Variants in PAK4 observed in about 807,000 individuals in gnomAD.
The protein encoded by PAK4 is serine/threonine-protein kinase PAK 4.
PAK4 carries 49 observed loss-of-function variants against 53.5 expected under a neutral mutation model. The ratio of observed to expected loss-of-function variants is 0.92; its 90% confidence interval spans 0.73 to 1.16. The LOEUF is 1.16. PAK4 is among the 50% of genes most tolerant of loss of function. The pLI, the probability that PAK4 is intolerant of heterozygous loss-of-function variation, is 0.00. For synonymous variants in PAK4, 376 were observed against 375.6 expected (o/e 1.00, Z -0.01); for missense variants, 824 against 850.7 (o/e 0.97, Z 0.39).
At chr19:39,127,849 G>A (rs570732544) in intron 1 of PAK4, among the ~76,000 whole-genome samples, 2 of 152,332 alleles carry the variant, frequency 1.3e-5, no homozygotes, top group Non-Finnish European at 2.9e-5. Flanking sequence ...AGGAGGGCTG[G>A]GAATGGGCTT....
intron 1 of PAK4, among the ~76,000 whole-genome samples, chr19:39,163,932 G>T (rs2074325902): frequency 6.6e-6 from 1 of 152,214 alleles, no homozygotes; most frequent in Non-Finnish European, 1.5e-5. Flanking sequence ...ACAGAGGACA[G>T]TCCCTGCCCT....
chr19:39,135,625 G>A (rs1184850328), intron 1 of PAK4, among the ~76,000 whole-genome samples: 1 of 152,014 alleles, frequency 6.6e-6, no homozygotes, highest in Non-Finnish European at 1.5e-5. Flanking sequence ...GTGAGCCACT[G>A]CGCCCTGCCC....
At chr19:39,142,493 C>T (rs2073926363) in intron 1 of PAK4, among the ~76,000 whole-genome samples, 1 of 152,168 alleles carries the variant, frequency 6.6e-6, no homozygotes, top group Admixed American at 6.5e-5. Flanking sequence ...CCTAGTAAGG[C>T]TGGTACCCAG....
chr19:39,174,279 C>A (rs1377511069), intron 4 of PAK4, among the ~76,000 whole-genome samples: 1 of 151,940 alleles, frequency 6.6e-6, no homozygotes, highest in African/African-American at 2.4e-5. Context: ...TTCCAGGCCC[C>A]TCGCACCCAC....
Position 39,161,752 on chromosome 19 carries a change from C to T in PAK4, c.-22-7780C>T, listed in dbSNP as rs932983832. 2.6e-5 allele frequency among the ~76,000 whole-genome samples: 4 copies of T among 151,898 alleles called. No homozygotes were observed. Among genetic ancestry groups the T allele is most frequent in the African/African-American group, 9.7e-5 (4 of 41,320 alleles). On this transcript the variant is annotated intron_variant, in intron 1 of 8. Coordinates refer to ENST00000358301, the Ensembl canonical transcript of PAK4. This position sits in a 1 kb window ranked among gnomAD's most constrained non-coding sequence, Gnocchi z 4.5. The stretch of plus-strand genomic sequence containing the variant: ...TCCTTGGCCTGTCCTTCCACTTGCC[C>T]CCTCGCCCACCCTGCTCCAGCCACG...
In PAK4 at chr19:39,130,895, C is replaced by T. The variant is rs768275588; in HGVS notation, c.-23+4976C>T. 4.3e-4 allele frequency among the ~76,000 whole-genome samples: 65 copies of T among 150,472 alleles called. No homozygotes were observed. In the Middle Eastern group the frequency reaches 0.017, roughly 40 times the overall value. On this transcript the variant is annotated intron_variant, in intron 1 of 8. Transcript: ENST00000358301. ...GTGGGGGACGGATCGCGGGGGGTGGCGACAGGGAGGCTGTGGGGAGGCTGC... is the reference window on the plus strand; with the variant it reads ...GTGGGGGACGGATCGCGGGGGGTGGTGACAGGGAGGCTGTGGGGAGGCTGC...
chr19:39,169,356 C>T (rs1394325365), intron 1 of PAK4, among the ~76,000 whole-genome samples, 176 bp from the exon 3 acceptor site: 1 of 152,006 alleles, frequency 6.6e-6, no homozygotes, highest in African/African-American at 2.4e-5. Flanking sequence ...TCACGGGTAC[C>T]CTCTGGCTGT....
downstream of PAK4, chr19:39,179,998 A>C (rs2074684168): frequency 6.6e-6 from 1 of 152,382 alleles, no homozygotes; most frequent in Non-Finnish European, 1.5e-5. Flanking sequence ...CATCCTCCCC[A>C]GCCCCCAGGG....
chr19:39,141,563 A>G (rs953886706), intron 1 of PAK4, among the ~76,000 whole-genome samples: 1 of 151,628 alleles, frequency 6.6e-6, no homozygotes, highest in Non-Finnish European at 1.5e-5. Flanking sequence ...TGATATAACC[A>G]TCTCAGCCTC....
chr19:39,175,189 C>T lies in PAK4; in HGVS notation c.1233-123C>T, dbSNP rs779705445. The T allele has an allele frequency of 4.1e-5, 60 of 1,473,696 alleles. No homozygotes were observed. Among genetic ancestry groups the T allele is most frequent in the Admixed American group, 1.5e-4 (8 of 52,322 alleles). 91.3% of individuals were successfully genotyped at this position (1,473,696 alleles called of 1,614,324 possible). A position where few individuals can be genotyped will look rare whatever the true frequency, so the allele number is the denominator to read the frequency against. ...CTGGGATGGGGTCGTGTCTTCCATT[C>T]CTCCCACTCCAGAGTGGGGTCGAGT... On this transcript the variant is annotated intron_variant, in intron 5 of 8. Coordinates refer to ENST00000358301, the Ensembl canonical transcript of PAK4. This position sits in a 1 kb window ranked among gnomAD's most constrained non-coding sequence, Gnocchi z 4.7.
intron 1 of PAK4, among the ~76,000 whole-genome samples, chr19:39,166,967 C>T (rs138550499): frequency 3.1e-4 from 47 of 152,350 alleles, no homozygotes; most frequent in Non-Finnish European, 4.4e-4. Context: ...GGCAAATATC[C>T]GGAGGCGTGC....
chr19:39,138,086 A>G (rs534917097), intron 1 of PAK4, among the ~76,000 whole-genome samples: 8 of 152,008 alleles, frequency 5.3e-5, no homozygotes, highest in Non-Finnish European at 8.8e-5. Flanking sequence ...GGTTCAAGCA[A>G]TTCTCTTTCC....
At chr19:39,131,531 C>G (rs2073710914) in intron 1 of PAK4, among the ~76,000 whole-genome samples, 1 of 152,200 alleles carries the variant, frequency 6.6e-6, no homozygotes, top group Non-Finnish European at 1.5e-5. Context: ...ACCCTTCCCG[C>G]CTAGTCACCC....
intron 6 of PAK4, 130 bp from the exon 8 acceptor site, chr19:39,176,460 C>T (rs1413126385): frequency 3.9e-6 from 5 of 1,266,384 alleles, no homozygotes; most frequent in African/African-American, 2.9e-5. Flanking sequence ...CCAGCTCTGA[C>T]CCTAGACCCC....
Position 39,174,730 on chromosome 19 carries a change from G to A in PAK4, c.1099-201G>A, listed in dbSNP as rs192778976. 1.7e-3 allele frequency among the ~76,000 whole-genome samples: 257 copies of A among 152,286 alleles called. 8 individuals are homozygous for A. In the East Asian group the frequency reaches 0.042, roughly 25 times the overall value. On this transcript the variant is annotated intron_variant, in intron 4 of 8. Transcript: ENST00000358301. ...GAGATGGGCGTGTGCCCAGGGGGGC[G>A]CGCCCCCAGAAGGGAGGCGTGGGCT...
intron 2 of PAK4, among the ~76,000 whole-genome samples, chr19:39,169,993 G>A (rs573278333): frequency 1.3e-5 from 2 of 151,968 alleles, no homozygotes; most frequent in Non-Finnish European, 2.9e-5. Flanking sequence ...CGGCCCATCT[G>A]ACAGCCCCCA....
chr19:39,132,181 A>G (rs971501498), intron 1 of PAK4, among the ~76,000 whole-genome samples: 1 of 151,996 alleles, frequency 6.6e-6, no homozygotes, highest in Non-Finnish European at 1.5e-5. Context: ...GGTGTTTTTA[A>G]CCTCGTTTCT....
rs2074539414 is a variant in PAK4 at position 39,173,724 on chromosome 19, T to A, written c.812T>A (p.Leu271Gln). The A allele has an allele frequency of 6.3e-7, 1 of 1,577,030 alleles. No individual in the cohort carries two copies. Among genetic ancestry groups the A allele is most frequent in the African/African-American group, 1.4e-5 (1 of 73,814 alleles). Residue 271 changes from leucine (L) to glutamine (Q), a missense_variant, in exon 4 of 9, where the codon CTG becomes CAG. Around this residue, in one of 2 missense-constraint regions of PAK4, gnomAD observed 478 missense variants for 435.8 expected, o/e 1.10. Transcript: ENST00000358301. The surrounding 1 kb of genome is among the most constrained non-coding windows in gnomAD (Gnocchi z 6.9). ...GGACCCCACGCCTCAGAGCCCCAGC[T>A]GGCCCCTCCAGCCTGCACCCCCGCC...
chr19:39,129,178 G>T (rs1264172858), intron 1 of PAK4, among the ~76,000 whole-genome samples: 2 of 151,958 alleles, frequency 1.3e-5, no homozygotes, highest in African/African-American at 4.8e-5. Flanking sequence ...GGAGTAGCTG[G>T]GATTACAGGC....
Sources: allele counts gnomAD v4.1 joint callset (sites outside exome capture counted in the v4.1 genomes callset), GRCh38; gene constraint gnomAD v4.1.1; regional missense constraint gnomAD v4.1.1; non-coding constraint Gnocchi (gnomAD v3.1); transcripts MANE v1.5; gene names NCBI Gene and HGNC (gene_info 2026-07-23, HGNC 2026-07-21).